The following TLN2 variants were observed in gnomAD, a reference collection of about 807,000 sequenced individuals.
TLN2 encodes talin-2.
Under a neutral mutation model 294.7 loss-of-function variants are expected in TLN2, and 118 were observed. The ratio of observed to expected loss-of-function variants is 0.40; its 90% CI spans 0.34 to 0.47. The LOEUF (loss-of-function observed/expected upper bound fraction) is 0.47, where lower values mean the gene tolerates loss of function less well. Among genes scored for constraint, TLN2 ranks in the 20% least tolerant of loss-of-function variants. The pLI, the probability that TLN2 is intolerant of heterozygous loss-of-function variation, is 0.84. For missense variants in TLN2, 3,083 were observed against 3,282.2 expected (o/e 0.94, Z 1.48); for synonymous variants, 1,431 against 1,304.5 (o/e 1.10, Z -2.09).
chr15:62,587,775 C>A (rs1011005457), intron 1 of TLN2, among the ~76,000 whole-genome samples: 5 of 152,182 alleles, frequency 3.3e-5, no homozygotes, highest in African/African-American at 1.2e-4. Context: ...AATGACGTTT[C>A]CAATTTATAT....
intron 1 of TLN2, among the ~76,000 whole-genome samples, chr15:62,470,306 C>T (rs562376756): frequency 1.2e-4 from 18 of 152,332 alleles, no homozygotes; most frequent in Admixed American, 8.5e-4. Flanking sequence ...TCAACCGACC[C>T]GGGCTCCTCA....
intron 51 of TLN2, among the ~76,000 whole-genome samples, chr15:62,808,964 C>G (rs1481025820): frequency 6.6e-6 from 1 of 152,192 alleles, no homozygotes; most frequent in African/African-American, 2.4e-5. Flanking sequence ...GTGGATAAAA[C>G]ATGGATCCTG....
At chr15:62,555,435 A>G (rs1015824482) in intron 1 of TLN2, among the ~76,000 whole-genome samples, 5 of 152,218 alleles carry the variant, frequency 3.3e-5, no homozygotes, top group African/African-American at 1.2e-4. Flanking sequence ...AGTAAAAGTA[A>G]TAGATTAGAT....
rs763363229 is a variant in TLN2, at chr15:62,833,509, G to A, written c.7008G>A (p.Ala2336=). The A allele has an allele frequency of 1.2e-5, 20 of 1,613,706 alleles. No homozygotes were observed. Among genetic ancestry groups the A allele is most frequent in the African/African-American group, 6.7e-5 (5 of 74,908 alleles). ...CTGTTTTCTTTTGGTTATAGCAAGC[G>A]GATGAGACCCTGGACTTTGAGGAAC... ...QLKPRAKPKQ[A]DETLDFEEQI... is the part of the protein sequence containing the mutation. The change falls in exon 55 of 59, where the codon GCG becomes GCA. Residue 2336 remains alanine (A), a synonymous_variant. Transcript: ENST00000636159.
rs532356328 is a variant in TLN2 at position 62,423,548 on chromosome 15, A to G, written c.-238+32863A>G. Among the ~76,000 whole-genome samples the G allele has an allele frequency of 1.4e-4, 22 of 152,248 alleles. No homozygotes were observed. The South Asian group carries it at 4.6e-3, about 32-fold the overall frequency. ...CATCTTTTTCACATGAACTGCCAGT[A>G]AAAATCATGCCTTCCCCACCTATAC... On this transcript the variant is annotated intron_variant, in intron 1 of 58. Transcript: ENST00000636159.
At chr15:62,675,367 T>C (rs760307473) in intron 11 of TLN2, 46 bp downstream of exon 11, 3 of 1,589,420 alleles carry the variant, frequency 1.9e-6, no homozygotes, top group Admixed American at 3.4e-5. Flanking sequence ...GCCCCTTCTT[T>C]TTTCTTTTGT....
intron 2 of TLN2, among the ~76,000 whole-genome samples, chr15:62,609,465 G>A (rs376832953): frequency 5.3e-5 from 8 of 152,272 alleles, no homozygotes; most frequent in South Asian, 2.1e-4. Flanking sequence ...GTCTTGTGCC[G>A]TTAGTCTCCT....
At chr15:62,509,803 G>T (rs1197708253) in intron 1 of TLN2, among the ~76,000 whole-genome samples, 3 of 152,142 alleles carry the variant, frequency 2.0e-5, no homozygotes, top group Non-Finnish European at 4.4e-5. Flanking sequence ...CCACTTCCCT[G>T]CCTGGAACTC....
chr15:62,417,759 C>A (rs1222127644), intron 1 of TLN2, among the ~76,000 whole-genome samples: 2 of 152,172 alleles, frequency 1.3e-5, no homozygotes, highest in Non-Finnish European at 2.9e-5. Context: ...TGCCTGTGGA[C>A]CAGGGGGCAT....
intron 1 of TLN2, among the ~76,000 whole-genome samples, chr15:62,494,578 T>C (rs952858064): frequency 1.3e-5 from 2 of 152,166 alleles, no homozygotes; most frequent in African/African-American, 4.8e-5. Flanking sequence ...TTTCCCCAGA[T>C]GTGATTAAAT....
At chr15:62,544,365 G>A (rs114107299) in intron 1 of TLN2, among the ~76,000 whole-genome samples, 1,851 of 152,220 alleles carry the variant, frequency 0.012, 25 homozygotes, top group African/African-American at 0.039. Flanking sequence ...CTCCTGTGGG[G>A]CATCTGCTTC....
At chr15:62,529,094 C>CTT (rs752639389) in intron 1 of TLN2, among the ~76,000 whole-genome samples, 3 of 138,784 alleles carry the variant, frequency 2.2e-5, no homozygotes, top group African/African-American at 5.9e-5. Context: ...ATTTACAGGG[C>CTT]TTTTTTTTTT....
At chr15:62,695,722 G>C (rs747419988) in intron 14 of TLN2, among the ~76,000 whole-genome samples, 1 of 152,208 alleles carries the variant, frequency 6.6e-6, no homozygotes, top group African/African-American at 2.4e-5. Context: ...AACCAAACTT[G>C]ATATGATAAG....
chr15:62,577,793 A>G (rs1195175869), intron 1 of TLN2, among the ~76,000 whole-genome samples: 1 of 152,132 alleles, frequency 6.6e-6, no homozygotes, highest in Non-Finnish European at 1.5e-5. Context: ...TGCTGCACCC[A>G]TCAACTCGTC....
At chr15:62,649,539 C>T (rs540995858) in intron 4 of TLN2, among the ~76,000 whole-genome samples, 1 of 152,058 alleles carries the variant, frequency 6.6e-6, no homozygotes, top group Non-Finnish European at 1.5e-5. Flanking sequence ...AATTTTGCAC[C>T]TTTTACATGA....
intron 3 of TLN2, among the ~76,000 whole-genome samples, chr15:62,643,405 ATTTTTTTTTTTTTTTTTTTTT>A (rs571288380): frequency 5.5e-5 from 5 of 90,750 alleles, no homozygotes; most frequent in Non-Finnish European, 8.0e-5. Flanking sequence ...TGGTTCCAGG[ATTTTTTTTTTTTTTTTTTTTT>A]TTTTTTTTTT....
chr15:62,495,853 C>T (rs866332308), intron 1 of TLN2, among the ~76,000 whole-genome samples: 17 of 152,052 alleles, frequency 1.1e-4, no homozygotes, highest in South Asian at 6.2e-4. Flanking sequence ...AAGATGGGAG[C>T]CTGGAGGCGG....
chr15:62,708,517 A>G lies in TLN2; in HGVS notation c.2188A>G (p.Ile730Val), dbSNP rs138242185. 29 of 1,613,460 alleles carry G rather than the reference A, an allele frequency of 1.8e-5. No individual in the cohort carries two copies. In the African/African-American group the frequency reaches 2.1e-4, roughly 12 times the overall value. ...CTCACTTCAGGTTGTGAGCCCCACT[A>G]TTAGCTCCCCTGTGTGCCAGGAGCA... The part of the protein sequence containing the change: ...VACAKVVSPT[I>V]SSPVCQEQLI... Residue 730 changes from isoleucine (I) to valine (V), a missense_variant, in exon 21 of 59, where the codon ATT (isoleucine) becomes GTT (valine). Physicochemically the swap from Ile to Val is conservative, Grantham distance 29. Transcript: ENST00000636159.
At chr15:62,441,663 A>T (rs1198135456) in intron 1 of TLN2, among the ~76,000 whole-genome samples, 1 of 152,198 alleles carries the variant, frequency 6.6e-6, no homozygotes, top group African/African-American at 2.4e-5. Context: ...ATAGGGTCAG[A>T]TCCCATAGGT....
Sources: gnomAD v4.1 joint callset for allele counts (sites outside exome capture counted in the v4.1 genomes callset) on GRCh38, gnomAD v4.1.1 for gene constraint, MANE v1.5 for transcripts, NCBI Gene and HGNC (gene_info 2026-07-23, HGNC 2026-07-21) for gene names.